Variants in CNTNAP2 observed in about 807,000 individuals in gnomAD.
CNTNAP2 encodes the protein contactin-associated protein-like 2.
In CNTNAP2, 98 loss-of-function variants were observed where a neutral mutation model predicts 155.2. That is an observed-to-expected ratio of 0.63 (90% CI 0.54 to 0.75). The LOEUF (loss-of-function observed/expected upper bound fraction) is 0.75, where lower values mean the gene tolerates loss of function less well. Among genes scored for constraint, CNTNAP2 ranks in the 30% least tolerant of loss-of-function variants. CNTNAP2 has a pLI of 0.00. For synonymous variants in CNTNAP2, 651 were observed against 631.2 expected (o/e 1.03, Z -0.47); for missense variants, 1,727 against 1,688.1 (o/e 1.02, Z -0.40).
intron 1 of CNTNAP2, among the ~76,000 whole-genome samples, chr7:146,339,360 C>G (rs1801334619): frequency 6.6e-6 from 1 of 152,126 alleles, no homozygotes. Context: ...AAATTCCCTT[C>G]AAATTTGATG....
chr7:147,300,615 A>C (rs1213860154), intron 9 of CNTNAP2, among the ~76,000 whole-genome samples: 3 of 152,206 alleles, frequency 2.0e-5, no homozygotes, highest in African/African-American at 7.2e-5. Context: ...CTTTGTAACT[A>C]ATTATTCAAA....
rs1404696864 is a variant in CNTNAP2 at position 146,587,971 on chromosome 7, GCC to G, written c.98-186299_98-186298del. 8.6e-4 allele frequency among the ~76,000 whole-genome samples: 130 copies of G among 151,012 alleles called. 1 individual carries two copies. The highest frequency in any genetic ancestry group is 2.9e-3 in the African/African-American group (121 of 41,106). ...TTACAGGTGTGAGCCACTGCGCCCG[GCC>G]TGATGATTAATTTTCAAACAAACCG... On this transcript the variant is annotated intron_variant, in intron 1 of 23. Coordinates refer to ENST00000361727, the MANE Select transcript of CNTNAP2 (RefSeq NM_014141.6).
intron 1 of CNTNAP2, among the ~76,000 whole-genome samples, chr7:146,710,203 C>A (rs955741937): frequency 2.6e-5 from 4 of 152,100 alleles, no homozygotes; most frequent in African/African-American, 9.7e-5. Flanking sequence ...GGTACAGAAC[C>A]AGGACACAAA....
At chr7:147,725,719 C>T (rs559910815) in intron 13 of CNTNAP2, among the ~76,000 whole-genome samples, 34 of 152,174 alleles carry the variant, frequency 2.2e-4, no homozygotes, top group African/African-American at 7.7e-4. Context: ...GGTAAAGGTC[C>T]GAGGTTTCCA....
chr7:147,831,813 G>A (rs1798549600), intron 13 of CNTNAP2: 1 of 152,082 alleles, frequency 6.6e-6, no homozygotes, highest in African/African-American at 2.4e-5. Context: ...GACCAATACA[G>A]GGAAGATCAG....
chr7:146,703,556 C>T (rs1443464826), intron 1 of CNTNAP2, among the ~76,000 whole-genome samples: 3 of 152,010 alleles, frequency 2.0e-5, no homozygotes, highest in Non-Finnish European at 4.4e-5. Flanking sequence ...AAACAACAAA[C>T]GTGTTTCTCA....
At chr7:146,852,208 T>G (rs2129203357) in intron 3 of CNTNAP2, among the ~76,000 whole-genome samples, 1 of 152,252 alleles carries the variant, frequency 6.6e-6, no homozygotes, top group Admixed American at 6.5e-5. Context: ...AGTTATGACA[T>G]TAAAAGTTAT....
Position 146,357,602 on chromosome 7 carries a change from A to G in CNTNAP2, c.97+240629A>G, listed in dbSNP as rs180737087. Among the ~76,000 whole-genome samples the G allele has an allele frequency of 2.6e-3, 391 of 152,264 alleles. 1 individual carries two copies. Among genetic ancestry groups the G allele is most frequent in the African/African-American group, 9.0e-3 (376 of 41,560 alleles). On this transcript the variant is annotated intron_variant, in intron 1 of 23. Coordinates refer to ENST00000361727, the MANE Select transcript of CNTNAP2 (RefSeq NM_014141.6). ...ATTCAAATGTTAATACGGATATAGGATTTTATTTATTTATGGTAGAGTTGT... is the reference window on the plus strand; with the variant it reads ...ATTCAAATGTTAATACGGATATAGGGTTTTATTTATTTATGGTAGAGTTGT...
intron 1 of CNTNAP2, among the ~76,000 whole-genome samples, chr7:146,695,305 T>G (rs1800763882): frequency 6.6e-6 from 1 of 152,214 alleles, no homozygotes; most frequent in African/African-American, 2.4e-5. Flanking sequence ...AAATGTGTGT[T>G]GGATTTTGTC....
At chr7:147,291,001 T>C (rs1164704148) in intron 8 of CNTNAP2, among the ~76,000 whole-genome samples, 2 of 152,140 alleles carry the variant, frequency 1.3e-5, no homozygotes, top group Non-Finnish European at 2.9e-5. Flanking sequence ...GATGAGTATA[T>C]ACACTTAGAC....
chr7:146,519,023 A>G (rs1199985208), intron 1 of CNTNAP2, among the ~76,000 whole-genome samples: 2 of 151,932 alleles, frequency 1.3e-5, no homozygotes, highest in Non-Finnish European at 2.9e-5. Context: ...TACATTAAAC[A>G]GTTTATAATA....
At chr7:146,902,561 T>G (rs566828417) in intron 3 of CNTNAP2, among the ~76,000 whole-genome samples, 1 of 152,236 alleles carries the variant, frequency 6.6e-6, no homozygotes, top group East Asian at 1.9e-4. Context: ...AGATGAAAAT[T>G]TTCACAATTC....
At chr7:147,699,502 T>C (rs961874426) in intron 13 of CNTNAP2, among the ~76,000 whole-genome samples, 5 of 152,070 alleles carry the variant, frequency 3.3e-5, no homozygotes, top group African/African-American at 1.2e-4. Flanking sequence ...CTAATGTAGA[T>C]GACGGGTTGA....
intron 21 of CNTNAP2, among the ~76,000 whole-genome samples, chr7:148,272,747 C>T (rs1796804808): frequency 6.6e-6 from 1 of 152,138 alleles, no homozygotes; most frequent in Admixed American, 6.5e-5. Context: ...AGCAATGTTA[C>T]ATGGTGATGG....
chr7:147,423,316 T>G (rs1797327411), intron 10 of CNTNAP2, among the ~76,000 whole-genome samples: 1 of 152,330 alleles, frequency 6.6e-6, no homozygotes. Context: ...GATGTTTGTT[T>G]CAAGGATCAT....
intron 15 of CNTNAP2, among the ~76,000 whole-genome samples, chr7:148,045,445 G>A (rs577253532): frequency 3.2e-4 from 46 of 142,728 alleles, no homozygotes; most frequent in African/African-American, 1.1e-3. Context: ...TTGGGCGTGA[G>A]TCAGGTAGGT....
intron 7 of CNTNAP2, among the ~76,000 whole-genome samples, chr7:147,131,284 A>G (rs747923661): frequency 5.3e-5 from 8 of 151,474 alleles, no homozygotes; most frequent in Admixed American, 2.0e-4. Flanking sequence ...TTAAAAATAT[A>G]TAGAGAAAAA....
chr7:147,780,984 T>C (rs932529352), intron 13 of CNTNAP2, among the ~76,000 whole-genome samples: 1 of 152,214 alleles, frequency 6.6e-6, no homozygotes, highest in Non-Finnish European at 1.5e-5. Context: ...TACACTCTGC[T>C]TAATATCACT....
chr7:147,877,580 G>T (rs2710098), intron 13 of CNTNAP2, among the ~76,000 whole-genome samples: 86,199 of 151,526 alleles, frequency 0.57, 25,064 homozygotes, highest in African/African-American at 0.69. Flanking sequence ...CTAAGAGAAA[G>T]GGTACTGTTT....
Sources: gnomAD v4.1 joint callset for allele counts (sites outside exome capture counted in the v4.1 genomes callset) on GRCh38, gnomAD v4.1.1 for gene constraint, MANE v1.5 for transcripts, NCBI Gene and HGNC (gene_info 2026-07-23, HGNC 2026-07-21) for gene names.